Variants in CPQ observed in about 807,000 individuals in gnomAD.
CPQ encodes Ser-Met dipeptidase.
Under a neutral mutation model 45.7 loss-of-function variants are expected in CPQ, and 37 were observed. That is an observed-to-expected ratio of 0.81 (90% CI 0.62 to 1.07). The LOEUF (loss-of-function observed/expected upper bound fraction) is 1.07, where lower values mean the gene tolerates loss of function less well. Among genes scored for constraint, CPQ ranks in the 50% least tolerant of loss-of-function variants. The probability of loss-of-function intolerance (pLI) is 0.00; values close to 1 mark genes in which losing one functional copy is unlikely to be tolerated. For synonymous variants in CPQ, 186 were observed against 205.8 expected (o/e 0.90, Z 0.82); for missense variants, 537 against 572.9 (o/e 0.94, Z 0.64).
At chr8:96,679,171 G>A (rs1809115561) in intron 1 of CPQ, among the ~76,000 whole-genome samples, 1 of 151,988 alleles carries the variant, frequency 6.6e-6, no homozygotes, top group African/African-American at 2.4e-5. Context: ...TATGTCTACT[G>A]AGATGATTCA....
chr8:96,693,522 G>T (rs1809332399), intron 1 of CPQ, among the ~76,000 whole-genome samples: 1 of 152,174 alleles, frequency 6.6e-6, no homozygotes, highest in African/African-American at 2.4e-5. Flanking sequence ...GCAGACTTCA[G>T]TGAAAACTTT....
chr8:97,043,970 G>A (rs937144827), intron 6 of CPQ, among the ~76,000 whole-genome samples: 2 of 152,148 alleles, frequency 1.3e-5, no homozygotes, highest in Non-Finnish European at 2.9e-5. Flanking sequence ...TCTTGGAGTT[G>A]CTCTTCTCAA....
intron 1 of CPQ, among the ~76,000 whole-genome samples, chr8:96,652,792 C>T (rs146203510): frequency 0.011 from 1,736 of 152,222 alleles, 31 homozygotes; most frequent in African/African-American, 0.036. Context: ...GCCACCATGC[C>T]CGGCTAATTT....
intron 7 of CPQ, among the ~76,000 whole-genome samples, chr8:97,090,273 T>G (rs1272431047): frequency 1.3e-5 from 2 of 152,166 alleles, no homozygotes; most frequent in Non-Finnish European, 2.9e-5. Context: ...CATCTTTCCC[T>G]CCTACCCACA....
intron 4 of CPQ, 84 bp downstream of exon 4, chr8:96,880,089 G>T (rs1044312635): frequency 5.1e-6 from 6 of 1,175,856 alleles, no homozygotes; most frequent in Non-Finnish European, 7.5e-6. Flanking sequence ...AAGAGAGAAC[G>T]TGAAACCACC....
At chr8:96,654,943 T>C (rs1815621481) in intron 1 of CPQ, among the ~76,000 whole-genome samples, 1 of 152,064 alleles carries the variant, frequency 6.6e-6, no homozygotes, top group Admixed American at 6.5e-5. Context: ...GCTTTTTTTT[T>C]TTTTCCAGAA....
chr8:96,874,463 A>T (rs1489588696), intron 3 of CPQ, among the ~76,000 whole-genome samples: 1 of 151,160 alleles, frequency 6.6e-6, no homozygotes, highest in East Asian at 1.9e-4. Context: ...TTAATATTCC[A>T]CTCTCCCCTG....
chr8:96,738,484 A>C (rs1810026096), intron 1 of CPQ, among the ~76,000 whole-genome samples: 1 of 150,142 alleles, frequency 6.7e-6, no homozygotes, highest in Non-Finnish European at 1.5e-5. Context: ...TTATACTTTA[A>C]GTTTTAGGGT....
intron 2 of CPQ, among the ~76,000 whole-genome samples, chr8:96,821,126 A>ATTTTTTTTTTTTTTTTTTTT (rs572906188): frequency 1.6e-5 from 1 of 60,938 alleles, no homozygotes. Flanking sequence ...TTTAATCTGA[A>ATTTTTTTTTTTTTTTTTTTT]TTTTTTTTTT....
intron 7 of CPQ, among the ~76,000 whole-genome samples, chr8:97,073,046 C>A (rs979943065): frequency 1.3e-5 from 2 of 152,222 alleles, no homozygotes; most frequent in East Asian, 3.9e-4. Flanking sequence ...AATTTAGTAA[C>A]GACATCACTC....
At chr8:96,818,297 C>T (rs1811256417) in intron 2 of CPQ, among the ~76,000 whole-genome samples, 2 of 151,874 alleles carry the variant, frequency 1.3e-5, no homozygotes, top group Non-Finnish European at 2.9e-5. Context: ...TTAGGTTTCT[C>T]TTCTTACATG....
At chr8:97,022,291 A>C (rs1809702590) in intron 5 of CPQ, among the ~76,000 whole-genome samples, 1 of 152,250 alleles carries the variant, frequency 6.6e-6, no homozygotes, top group African/African-American at 2.4e-5. Context: ...CCAGAAGATA[A>C]CATTGGAAAA....
chr8:96,810,851 A>T (rs144984099), intron 2 of CPQ, among the ~76,000 whole-genome samples: 49 of 152,282 alleles, frequency 3.2e-4, no homozygotes, highest in African/African-American at 1.1e-3. Context: ...TTTTGAAAAC[A>T]TGGATCTTGT....
At chr8:97,106,105 A>G (rs1245921679) in intron 7 of CPQ, among the ~76,000 whole-genome samples, 1 of 152,208 alleles carries the variant, frequency 6.6e-6, no homozygotes, top group East Asian at 1.9e-4. Flanking sequence ...AGTGGATTAC[A>G]TACCAGCAGA....
chr8:97,063,012 G>A (rs1206826377), intron 6 of CPQ, among the ~76,000 whole-genome samples: 6 of 152,148 alleles, frequency 3.9e-5, no homozygotes, highest in African/African-American at 1.2e-4. Context: ...TGGGCTTGCT[G>A]GGTTGAATGG....
chr8:96,982,572 G>A (rs1392467908), intron 5 of CPQ, among the ~76,000 whole-genome samples: 6 of 152,140 alleles, frequency 3.9e-5, no homozygotes, highest in Non-Finnish European at 8.8e-5. Context: ...CAAACTCCTG[G>A]ACTCAAGCAA....
intron 7 of CPQ, among the ~76,000 whole-genome samples, chr8:97,076,283 C>T (rs1810845584): frequency 6.6e-6 from 1 of 152,134 alleles, no homozygotes; most frequent in African/African-American, 2.4e-5. Context: ...CTCAGCCTCC[C>T]AAAGTGCTGG....
rs563160442 is a variant in CPQ at position 96,835,425 on chromosome 8, T to C, written c.641+245T>C. ...GCTTTAAGGCTTTTCACATCCACAG[T>C]GATCCCATTACATTCCTTATATAAC... is the stretch of plus-strand genomic sequence containing the variant. On this transcript the variant is annotated intron_variant, in intron 3 of 7. Coordinates refer to ENST00000220763, the MANE Select transcript of CPQ (RefSeq NM_016134.4). Among the ~76,000 whole-genome samples the C allele has an allele frequency of 9.2e-5, 14 of 152,322 alleles. No homozygotes were observed. In the South Asian group the frequency reaches 2.9e-3, roughly 32 times the overall value.
intron 6 of CPQ, among the ~76,000 whole-genome samples, chr8:97,046,751 C>A (rs1423387211): frequency 6.6e-6 from 1 of 152,204 alleles, no homozygotes; most frequent in African/African-American, 2.4e-5. Flanking sequence ...ACAGCATCCA[C>A]CTGCCCTCAC....
Sources: gnomAD v4.1 joint callset for allele counts (sites outside exome capture counted in the v4.1 genomes callset) on GRCh38, gnomAD v4.1.1 for gene constraint, MANE v1.5 for transcripts, NCBI Gene and HGNC (gene_info 2026-07-23, HGNC 2026-07-21) for gene names.